Variants in TMEM131L observed in about 807,000 individuals in gnomAD.
The protein encoded by TMEM131L is transmembrane 131 like.
TMEM131L carries 54 observed loss-of-function variants against 192.2 expected under a neutral mutation model. The observed-to-expected ratio is 0.28, with a 90% CI of 0.23 to 0.35. TMEM131L has a LOEUF of 0.35. Ranked by LOEUF, TMEM131L falls within the 10% of genes least tolerant of loss-of-function variation. The pLI is 1.00. For synonymous variants in TMEM131L, 701 were observed against 704.9 expected (o/e 0.99, Z 0.09); for missense variants, 1,888 against 1,972.9 (o/e 0.96, Z 0.82).
At position 153,499,165 on chromosome 4, in the gene TMEM131L, C is replaced by T. The variant is rs116826667; in HGVS notation, c.239+25277C>T. On this transcript the variant is annotated intron_variant, in intron 3 of 34. Coordinates refer to ENST00000409959, the MANE Select transcript of TMEM131L (RefSeq NM_001131007.2). ...AGGGATGGGCCAGGCCTGAACTAAC[C>T]GTTTCAGGGCTCCGAGGCTGCGCCT... 6.9e-3 allele frequency among the ~76,000 whole-genome samples: 1,045 copies of T among 152,316 alleles called. 12 individuals carry two copies. Among genetic ancestry groups the T allele is most frequent in the African/African-American group, 0.024 (1,005 of 41,582 alleles).
intron 3 of TMEM131L, among the ~76,000 whole-genome samples, chr4:153,527,140 A>G (rs1224011876): frequency 1.3e-5 from 2 of 152,082 alleles, no homozygotes; most frequent in Non-Finnish European, 2.9e-5. Context: ...CAGTCCATTG[A>G]TGTTTTAGGA....
At chr4:153,492,441 T>A (rs1057216767) in intron 3 of TMEM131L, among the ~76,000 whole-genome samples, 3 of 152,238 alleles carry the variant, frequency 2.0e-5, no homozygotes, top group African/African-American at 4.8e-5. Context: ...TTTCAAATAT[T>A]CTGAATCCTT....
intron 19 of TMEM131L, among the ~76,000 whole-genome samples, chr4:153,594,937 A>C (rs955459979): frequency 2.0e-5 from 3 of 152,214 alleles, no homozygotes; most frequent in Non-Finnish European, 4.4e-5. Flanking sequence ...GTATTGAATC[A>C]TGTATAGCTT....
chr4:153,504,568 G>C (rs576382822), intron 3 of TMEM131L, among the ~76,000 whole-genome samples: 1 of 152,122 alleles, frequency 6.6e-6, no homozygotes, highest in Non-Finnish European at 1.5e-5. Context: ...GATTACAGGC[G>C]TGAGCCACCG....
chr4:153,518,453 A>G (rs1034605761), intron 3 of TMEM131L, among the ~76,000 whole-genome samples: 6 of 152,388 alleles, frequency 3.9e-5, no homozygotes, highest in Middle Eastern at 3.4e-3. Flanking sequence ...TGCAGACATC[A>G]TACTTGAGAA....
chr4:153,520,596 G>A (rs1735040227), intron 3 of TMEM131L, among the ~76,000 whole-genome samples: 1 of 152,194 alleles, frequency 6.6e-6, no homozygotes, highest in South Asian at 2.1e-4. Context: ...GAAGGCCCTA[G>A]GTCTCCAGTG....
chr4:153,559,204 C>T (rs1435212670), intron 7 of TMEM131L, among the ~76,000 whole-genome samples: 1 of 152,138 alleles, frequency 6.6e-6, no homozygotes, highest in Non-Finnish European at 1.5e-5. Context: ...GGAGAAGAAC[C>T]AAATTAATTT....
chr4:153,578,465 C>T (rs188771870), intron 7 of TMEM131L, among the ~76,000 whole-genome samples: 3,508 of 151,792 alleles, frequency 0.023, 102 homozygotes, highest in Middle Eastern at 0.082. Context: ...AAGTGATTCT[C>T]CTGCCTCAGC....
chr4:153,507,574 CA>C (rs1160159139), intron 3 of TMEM131L, among the ~76,000 whole-genome samples: 2 of 152,092 alleles, frequency 1.3e-5, no homozygotes, highest in Non-Finnish European at 1.5e-5. Context: ...AAAGAGAATA[CA>C]AAACAAAACA....
At chr4:153,518,302 T>A (rs1734873828) in intron 3 of TMEM131L, among the ~76,000 whole-genome samples, 1 of 152,224 alleles carries the variant, frequency 6.6e-6, no homozygotes, top group South Asian at 2.1e-4. Flanking sequence ...GGGATGCTGC[T>A]GCGCATTTCG....
At position 153,517,575 on chromosome 4, in the gene TMEM131L, G is replaced by A. The variant is rs116039112; in HGVS notation, c.240-32498G>A. Among the ~76,000 whole-genome samples the A allele has an allele frequency of 9.8e-3, 1,498 of 152,278 alleles. 12 individuals carry two copies. The highest frequency in any genetic ancestry group is 0.031 in the Middle Eastern group (9 of 294). On this transcript the variant is annotated intron_variant, in intron 3 of 34. Coordinates refer to ENST00000409959, the MANE Select transcript of TMEM131L (RefSeq NM_001131007.2). ...TGGGACATTAGGTGTCGAATGTAAT[G>A]CTGAATTGAATGGAACCCACTGAGT...
Position 153,591,153 on chromosome 4 carries a change from C to A in TMEM131L, c.1771C>A (p.Leu591Ile). Residue 591 changes from leucine to isoleucine, a missense_variant, in exon 17 of 35, where the codon CTC (leucine) becomes ATC (isoleucine). Transcript: ENST00000409959. ...GCCTCGTTTGATCGCAGAGCCTGGC[C>A]TCATGTTAAACTTCAGCGCAACTGC... is the stretch of plus-strand genomic sequence containing the variant. Reference protein sequence around the residue: ...FLPRLIAEPGLMLNFSATALR... With the variant: ...FLPRLIAEPGIMLNFSATALR... 1 of 1,609,910 alleles carries A rather than the reference C, an allele frequency of 6.2e-7. No individual in the cohort carries two copies. The highest frequency in any genetic ancestry group is 8.5e-7 in the Non-Finnish European group (1 of 1,177,590).
chr4:153,628,284 C>T (rs1733985790), intron 31 of TMEM131L, among the ~76,000 whole-genome samples: 1 of 152,220 alleles, frequency 6.6e-6, no homozygotes, highest in African/African-American at 2.4e-5. Context: ...GAAACCTCTC[C>T]TGCCTGGGGG....
At chr4:153,582,816 A>C (rs548880738) in intron 9 of TMEM131L, among the ~76,000 whole-genome samples, 3 of 152,246 alleles carry the variant, frequency 2.0e-5, no homozygotes, top group South Asian at 4.1e-4. Flanking sequence ...GTGGTTATCC[A>C]AATGAGGAAA....
chr4:153,545,800 A>G (rs1190780064), intron 3 of TMEM131L, among the ~76,000 whole-genome samples: 3 of 152,190 alleles, frequency 2.0e-5, no homozygotes, highest in Non-Finnish European at 4.4e-5. Context: ...AATAAGGACT[A>G]AGAGTGTGTG....
chr4:153,545,290 C>CTTTTTTTTTTTTTCTTTTT (rs1737085588), intron 3 of TMEM131L, among the ~76,000 whole-genome samples: 1 of 132,326 alleles, frequency 7.6e-6, no homozygotes, highest in South Asian at 2.5e-4. Context: ...CTTTTTCAAA[C>CTTTTTTTTTTTTTCTTTTT]TTTTTTTTTT....
chr4:153,498,689 A>C (rs1311859912), intron 3 of TMEM131L, among the ~76,000 whole-genome samples: 1 of 152,196 alleles, frequency 6.6e-6, no homozygotes, highest in Non-Finnish European at 1.5e-5. Context: ...TTTGGTCCCC[A>C]GGGTCTTCTC....
At chr4:153,582,717 A>G (rs577130485) in intron 9 of TMEM131L, among the ~76,000 whole-genome samples, 15 of 152,140 alleles carry the variant, frequency 9.9e-5, no homozygotes, top group Non-Finnish European at 1.9e-4. Flanking sequence ...CTATGAGGGC[A>G]GATCCCTGAC....
At chr4:153,520,773 CATGATTGGA>C (rs1162773066) in intron 3 of TMEM131L, among the ~76,000 whole-genome samples, 7 of 152,276 alleles carry the variant, frequency 4.6e-5, no homozygotes, top group African/African-American at 1.4e-4. Flanking sequence ...GCTAGAGATT[CATGATTGGA>C]AGTGATTAAT....
Sources: allele counts gnomAD v4.1 joint callset (sites outside exome capture counted in the v4.1 genomes callset), GRCh38; gene constraint gnomAD v4.1.1; transcripts MANE v1.5; gene names NCBI Gene and HGNC (gene_info 2026-07-23, HGNC 2026-07-21).